The following RSU1 variants were observed in gnomAD, a reference collection of about 807,000 sequenced individuals.
The protein encoded by RSU1 is rsu-1.
Under a neutral mutation model 31.1 loss-of-function variants are expected in RSU1, and 26 were observed. That is an observed-to-expected ratio of 0.84 (90% CI 0.61 to 1.16). The LOEUF (loss-of-function observed/expected upper bound fraction) is 1.16. Among genes scored for constraint, RSU1 ranks in the 50% most tolerant of loss-of-function variants. The pLI is 0.00. For missense variants in RSU1, 320 were observed against 339.1 expected, an observed-to-expected ratio of 0.94 and a Z score of 0.44; for synonymous variants, 164 against 136.3, an observed-to-expected ratio of 1.20 and a Z score of -1.41.
rs1246101618 is a variant in RSU1, at chr10:16,646,042, A to T, written c.731+48981T>A. Among the ~76,000 whole-genome samples, 2 of 49,010 alleles carry T rather than the reference A, an allele frequency of 4.1e-5. 1 individual carries two copies. Among genetic ancestry groups the T allele is most frequent in the Admixed American group, 6.8e-4 (2 of 2,936 alleles). 32.2% of individuals were successfully genotyped at this position (49,010 alleles called of 152,430 possible). ...TATGTGTATATATATGTGTATATAC[A>T]TATATGTGTATATATATATACACAC... On this transcript the variant is annotated intron_variant, in intron 8 of 8. Transcript: ENST00000345264.
rs183702866 is a variant in RSU1 at position 16,811,322 on chromosome 10, C to T, written c.109+5651G>A. 1.3e-3 allele frequency among the ~76,000 whole-genome samples: 200 copies of T among 152,274 alleles called. No homozygotes were observed. The Middle Eastern group carries it at 0.02, about 16-fold the overall frequency. On this transcript the variant is annotated intron_variant, in intron 2 of 8. Transcript: ENST00000345264. ...AAATCTTATTATGCATTTCTCATAA[C>T]GTATCCCCACCATTAAGTAATGCAT...
At position 16,594,844 on chromosome 10, in the gene RSU1, G is replaced by C. The variant is rs367754454; in HGVS notation, c.732-1348C>G. On this transcript the variant is annotated intron_variant, in intron 8 of 8. Coordinates refer to ENST00000345264, the MANE Select transcript of RSU1 (RefSeq NM_012425.4). ...GTGTTGCCCAGGCTGGAGTGCAGTG[G>C]TGTGATCTTGGCTCACTGCAACCTC... is the stretch of plus-strand genomic sequence containing the variant. Among the ~76,000 whole-genome samples, 28 of 146,534 alleles carry C rather than the reference G, an allele frequency of 1.9e-4. No homozygotes were observed. The East Asian group carries it at 3.2e-3, about 17-fold the overall frequency.
chr10:16,649,649 C>A (rs1339603755), intron 8 of RSU1, among the ~76,000 whole-genome samples: 2 of 152,032 alleles, frequency 1.3e-5, no homozygotes, highest in Non-Finnish European at 2.9e-5. Context: ...CGTGATTTTT[C>A]TAGGGGGCAC....
At chr10:16,697,767 G>A (rs553019083) in intron 7 of RSU1, among the ~76,000 whole-genome samples, 13 of 152,118 alleles carry the variant, frequency 8.5e-5, no homozygotes, top group African/African-American at 3.1e-4. Flanking sequence ...GAATAGCACA[G>A]AAATGAATTC....
intron 8 of RSU1, among the ~76,000 whole-genome samples, chr10:16,661,084 C>A (rs761810181): frequency 6.6e-6 from 1 of 151,976 alleles, no homozygotes; most frequent in African/African-American, 2.4e-5. Flanking sequence ...TGGTTGCTGA[C>A]TCTTTGCTCA....
At chr10:16,599,827 T>C (rs535208737) in intron 8 of RSU1, among the ~76,000 whole-genome samples, 1 of 152,144 alleles carries the variant, frequency 6.6e-6, no homozygotes, top group Non-Finnish European at 1.5e-5. Flanking sequence ...AGCCTGTGCC[T>C]TTGGTGTAGA....
At position 16,645,880 on chromosome 10, in the gene RSU1, G is replaced by GTA. The variant is rs1486427882; in HGVS notation, c.731+49141_731+49142dup. ...TATATACGTATATATACATATATGTGTATATACATATATGTATATACACAT... is the reference window on the plus strand; with the variant it reads ...TATATACGTATATATACATATATGTGTATATATACATATATGTATATACACAT... On this transcript the variant is annotated intron_variant, in intron 8 of 8. Transcript: ENST00000345264. 9.7e-5 allele frequency among the ~76,000 whole-genome samples: 6 copies of GTA among 62,110 alleles called. 1 individual carries two copies. The highest frequency in any genetic ancestry group is 6.4e-4 in the South Asian group (1 of 1,558). The allele number at this position is 62,110 out of a possible 152,430, so 40.7% of individuals were successfully genotyped here. A position where few individuals can be genotyped will look rare whatever the true frequency, so the allele number is the denominator to read the frequency against.
chr10:16,812,335 G>T (rs568891839), intron 2 of RSU1, among the ~76,000 whole-genome samples: 1 of 152,158 alleles, frequency 6.6e-6, no homozygotes, highest in Non-Finnish European at 1.5e-5. Context: ...CCAGTTACTG[G>T]GGAGGCTGAG....
At chr10:16,672,820 T>C (rs1022775881) in intron 8 of RSU1, among the ~76,000 whole-genome samples, 1 of 152,178 alleles carries the variant, frequency 6.6e-6, no homozygotes, top group Non-Finnish European at 1.5e-5. Context: ...GTTGATTGTT[T>C]TACAGATGTA....
intron 8 of RSU1, among the ~76,000 whole-genome samples, chr10:16,678,624 A>G (rs1042756932): frequency 6.6e-6 from 1 of 152,234 alleles, no homozygotes; most frequent in Non-Finnish European, 1.5e-5. Flanking sequence ...TTCATGGGGA[A>G]GTAAAAACTT....
At chr10:16,780,027 T>C (rs902421042) in intron 3 of RSU1, among the ~76,000 whole-genome samples, 2 of 152,086 alleles carry the variant, frequency 1.3e-5, no homozygotes, top group African/African-American at 4.8e-5. Flanking sequence ...GGCAGAAATA[T>C]AAAGTTTGGA....
At chr10:16,657,159 G>A (rs1041499736) in intron 8 of RSU1, among the ~76,000 whole-genome samples, 3 of 152,164 alleles carry the variant, frequency 2.0e-5, no homozygotes, top group Non-Finnish European at 4.4e-5. Context: ...ACCTCTCATA[G>A]AGGTTATATG....
At chr10:16,772,651 AAAAAAAAAAACAAG>A (rs1249074005) in intron 3 of RSU1, among the ~76,000 whole-genome samples, 2 of 151,300 alleles carry the variant, frequency 1.3e-5, no homozygotes, top group African/African-American at 4.9e-5. Flanking sequence ...GAAAAAAAAA[AAAAAAAAAAACAAG>A]AAAAAAAAAC....
At chr10:16,637,950 ACT>A (rs1834374576) in intron 8 of RSU1, among the ~76,000 whole-genome samples, 3 of 152,164 alleles carry the variant, frequency 2.0e-5, no homozygotes, top group South Asian at 2.1e-4. Flanking sequence ...TTTCTTCCAC[ACT>A]GTTTCCAAAA....
At chr10:16,740,477 TA>T (rs1363858810) in intron 7 of RSU1, among the ~76,000 whole-genome samples, 1 of 152,186 alleles carries the variant, frequency 6.6e-6, no homozygotes, top group Non-Finnish European at 1.5e-5. Context: ...TTCCACACTG[TA>T]CTAGAAGTTG....
chr10:16,593,208 C>A lies in RSU1; in HGVS notation c.*186G>T, dbSNP rs1833541048. 3 of 1,168,150 alleles carry A rather than the reference C, an allele frequency of 2.6e-6. No individual in the cohort carries two copies. The highest frequency in any genetic ancestry group is 3.0e-5 in the Admixed American group (1 of 33,830). 72.4% of individuals were successfully genotyped at this position (1,168,150 alleles called of 1,614,324 possible). On this transcript the variant is annotated 3_prime_UTR_variant, in exon 9 of 9. Coordinates refer to ENST00000345264, the MANE Select transcript of RSU1 (RefSeq NM_012425.4). ...AAACAAATGGAAATGGTTTAAAGAC[C>A]TTATAACAATCTCCCACCTAGCAAA... is the stretch of plus-strand genomic sequence containing the variant.
chr10:16,714,677 G>C (rs915076526), intron 7 of RSU1, among the ~76,000 whole-genome samples: 1 of 152,026 alleles, frequency 6.6e-6, no homozygotes, highest in South Asian at 2.1e-4. Flanking sequence ...CTATGCTTTG[G>C]GTAGCTATGG....
At chr10:16,689,375 G>A (rs185378590) in intron 8 of RSU1, among the ~76,000 whole-genome samples, 1 of 152,330 alleles carries the variant, frequency 6.6e-6, no homozygotes, top group East Asian at 1.9e-4. Flanking sequence ...TAGCCTTGTG[G>A]TGGACTGGTT....
At chr10:16,750,360 T>G (rs1367268193) in intron 7 of RSU1, among the ~76,000 whole-genome samples, 2 of 152,144 alleles carry the variant, frequency 1.3e-5, no homozygotes, top group Non-Finnish European at 2.9e-5. Context: ...TACATACGGC[T>G]CGCAAAAATA....
Sources: allele counts gnomAD v4.1 joint callset (sites outside exome capture counted in the v4.1 genomes callset), GRCh38; gene constraint gnomAD v4.1.1; transcripts MANE v1.5; gene names NCBI Gene and HGNC (gene_info 2026-07-23, HGNC 2026-07-21).